The following STAB2 variants were observed in gnomAD, a reference collection of about 807,000 sequenced individuals.
STAB2 encodes stabilin-2.
STAB2 carries 288 observed loss-of-function variants against 338.1 expected under a neutral mutation model. The observed-to-expected ratio is 0.85, with a 90% confidence interval of 0.77 to 0.94. The LOEUF (loss-of-function observed/expected upper bound fraction) is 0.94, where lower values mean the gene tolerates loss of function less well. Among genes scored for constraint, STAB2 ranks in the 40% least tolerant of loss-of-function variants. STAB2 has a pLI of 0.00. For missense variants in STAB2, 3,141 were observed against 3,210.1 expected, an observed-to-expected ratio of 0.98 and a Z score of 0.52; for synonymous variants, 1,202 against 1,193.3, an observed-to-expected ratio of 1.01 and a Z score of -0.15.
intron 34 of STAB2, among the ~76,000 whole-genome samples, chr12:103,699,927 C>G (rs1212671796): frequency 6.6e-6 from 1 of 152,202 alleles, no homozygotes; most frequent in Non-Finnish European, 1.5e-5. Flanking sequence ...GGGAGGGAAC[C>G]TGGGAGATCA....
At chr12:103,731,519 A>G (rs910977959) in intron 49 of STAB2, 57 bp from the exon 50 acceptor site, 3 of 1,579,688 alleles carry the variant, frequency 1.9e-6, no homozygotes, top group Non-Finnish European at 2.6e-6. Flanking sequence ...GCTCTTGTTA[A>G]ATTCCTCTTA....
chr12:103,670,552 T>C, intron 21 of STAB2, 144 bp from the exon 22 acceptor site: 1 of 662,614 alleles, frequency 1.5e-6, no homozygotes, highest in Non-Finnish European at 2.7e-6. Flanking sequence ...CTCCCTGATA[T>C]CACATGACTC....
intron 27 of STAB2, among the ~76,000 whole-genome samples, chr12:103,687,631 A>G (rs1877550523): frequency 6.6e-6 from 1 of 152,114 alleles, no homozygotes; most frequent in Non-Finnish European, 1.5e-5. Flanking sequence ...AACAACTCCT[A>G]TTTCTCTTAT....
chr12:103,701,106 T>C lies in STAB2; in HGVS notation c.3714+1879T>C, dbSNP rs973192155. ...CCTATGAGTGAAAATATGCGGTGTT[T>C]GGTTTTTTGTTCTTGCGATAGTTTA... On this transcript the variant is annotated intron_variant, in intron 34 of 68. Transcript: ENST00000388887. Among the ~76,000 whole-genome samples the C allele has an allele frequency of 5.7e-4, 87 of 151,450 alleles. 1 individual carries two copies. The highest frequency in any genetic ancestry group is 2.1e-3 in the African/African-American group (86 of 41,172).
At position 103,762,331 on chromosome 12, in the gene STAB2, G is replaced by A. The variant is rs1178456766; in HGVS notation, c.7417G>A (p.Gly2473Arg). The change falls in exon 67 of 69, where the codon GGG becomes AGG. Residue 2473 changes from glycine (G) to arginine (R), a missense_variant. Coordinates refer to ENST00000388887, the MANE Select transcript of STAB2 (RefSeq NM_017564.10). ...CTTCTTTGCCATCATCCTGGTGACTGGGGCTGTTGCCTTGGCTGCTTACTC... is the reference window on the plus strand; with the variant it reads ...CTTCTTTGCCATCATCCTGGTGACTAGGGCTGTTGCCTTGGCTGCTTACTC... ...GIFFAIILVT[G>R]AVALAAYSYF... is the part of the protein sequence containing the mutation. The A allele has an allele frequency of 6.2e-7, 1 of 1,614,228 alleles. No homozygotes were observed. The highest frequency in any genetic ancestry group is 1.1e-5 in the South Asian group (1 of 91,092).
intron 66 of STAB2, 26 bp downstream of exon 66, chr12:103,761,436 G>A (rs377069100): frequency 5.9e-4 from 942 of 1,602,282 alleles, no homozygotes; most frequent in Non-Finnish European, 7.2e-4. Context: ...CCCTGATAAC[G>A]GGCCAGGAGG....
chr12:103,700,299 A>G (rs1475613909), intron 34 of STAB2, among the ~76,000 whole-genome samples: 2 of 152,248 alleles, frequency 1.3e-5, no homozygotes, highest in East Asian at 3.8e-4. Context: ...AAATTATTTA[A>G]GAGACACTAA....
At chr12:103,665,482 C>T (rs907913268) in intron 18 of STAB2, among the ~76,000 whole-genome samples, 1 of 152,066 alleles carries the variant, frequency 6.6e-6, no homozygotes, top group East Asian at 1.9e-4. Context: ...AGCAGGAAAC[C>T]ACTGCAACTA....
chr12:103,739,572 T>TGTGTGTGTGC lies in STAB2; in HGVS notation c.5754+105_5754+106insTGTGTGTGCG, dbSNP rs373686630. 7.4e-3 allele frequency: 5,418 copies of TGTGTGTGTGC among 729,634 alleles called. 25 individuals carry two copies. The highest frequency in any genetic ancestry group is 0.012 in the Admixed American group (310 of 25,896). 45.2% of individuals were successfully genotyped at this position (729,634 alleles called of 1,614,324 possible). A position where few individuals can be genotyped will look rare whatever the true frequency, so the allele number is the denominator to read the frequency against. On this transcript the variant is annotated intron_variant, in intron 54 of 68. Transcript: ENST00000388887. ...GTGTGTGTGTGTGTGTGTGTGTGTGTGCCCGTGCACGTATGTTGCATAAAT... is the reference window on the plus strand; with the variant it reads ...GTGTGTGTGTGTGTGTGTGTGTGTGTGTGTGTGTGCGCCCGTGCACGTATGTTGCATAAAT...
intron 44 of STAB2, among the ~76,000 whole-genome samples, chr12:103,721,330 A>G (rs1234017308): frequency 6.6e-6 from 1 of 152,334 alleles, no homozygotes; most frequent in South Asian, 2.1e-4. Context: ...CAAAAGGAAG[A>G]GCAAGCCAGG....
At chr12:103,632,220 A>G (rs572199157) in intron 6 of STAB2, among the ~76,000 whole-genome samples, 2 of 152,366 alleles carry the variant, frequency 1.3e-5, no homozygotes, top group South Asian at 2.1e-4. Flanking sequence ...ACTGGGTCCA[A>G]TCAAGAGCTG....
At chr12:103,747,998 A>AAT (rs1309710192) in intron 58 of STAB2, among the ~76,000 whole-genome samples, 2 of 97,438 alleles carry the variant, frequency 2.1e-5, no homozygotes, top group African/African-American at 3.4e-5. Context: ...CTGTCTCCAA[A>AAT]AAAAAAAAAA....
At chr12:103,678,892 A>G (rs985615321) in intron 25 of STAB2, among the ~76,000 whole-genome samples, 2 of 152,276 alleles carry the variant, frequency 1.3e-5, no homozygotes, top group South Asian at 2.1e-4. Flanking sequence ...GGCTTTAGGC[A>G]TCATTCCCAC....
intron 3 of STAB2, among the ~76,000 whole-genome samples, chr12:103,614,131 G>A (rs1021739240): frequency 6.6e-6 from 1 of 152,106 alleles, no homozygotes; most frequent in African/African-American, 2.4e-5. Context: ...TTTTCCCTCA[G>A]TATTTATGCC....
intron 3 of STAB2, among the ~76,000 whole-genome samples, chr12:103,613,586 AC>A (rs368896195): frequency 6.6e-6 from 1 of 151,790 alleles, no homozygotes; most frequent in African/African-American, 2.4e-5. Context: ...TCCATCTGTT[AC>A]CCCTTTCCTT....
At chr12:103,717,347 G>A (rs968108310) in intron 43 of STAB2, among the ~76,000 whole-genome samples, 3 of 152,168 alleles carry the variant, frequency 2.0e-5, no homozygotes, top group African/African-American at 7.2e-5. Flanking sequence ...TCTCTCCTTA[G>A]CATCTCCTAG....
intron 3 of STAB2, among the ~76,000 whole-genome samples, chr12:103,604,447 C>T (rs1956998197): frequency 6.6e-6 from 1 of 151,962 alleles, no homozygotes; most frequent in Non-Finnish European, 1.5e-5. Context: ...ATAACTTCTT[C>T]CTTACATGTG....
At chr12:103,621,346 C>T (rs1957298895) in intron 4 of STAB2, among the ~76,000 whole-genome samples, 1 of 148,512 alleles carries the variant, frequency 6.7e-6, no homozygotes, top group African/African-American at 2.4e-5. Context: ...TCTTCGTTAT[C>T]TCATGAAAGT....
At chr12:103,659,387 A>G (rs1874431541) in intron 15 of STAB2, among the ~76,000 whole-genome samples, 1 of 152,244 alleles carries the variant, frequency 6.6e-6, no homozygotes, top group African/African-American at 2.4e-5. Context: ...GCTTTCTCTT[A>G]GCCTGGGACT....
Sources: allele counts gnomAD v4.1 joint callset (sites outside exome capture counted in the v4.1 genomes callset), GRCh38; gene constraint gnomAD v4.1.1; transcripts MANE v1.5; gene names NCBI Gene and HGNC (gene_info 2026-07-23, HGNC 2026-07-21).